Variants in HERC4 observed in about 807,000 individuals in gnomAD.
HERC4 encodes HECT and RLD domain containing E3 ubiquitin protein ligase 4.
In HERC4, 28 loss-of-function variants were observed where a neutral mutation model predicts 124.3. The observed-to-expected ratio is 0.23, with a 90% CI of 0.17 to 0.31. The LOEUF (loss-of-function observed/expected upper bound fraction) is 0.31. Among genes scored for constraint, HERC4 ranks in the 10% least tolerant of loss-of-function variants. The pLI is 1.00. For missense variants in HERC4, 713 were observed against 1,229.3 expected (o/e 0.58, Z 6.28); for synonymous variants, 407 against 421.5 (o/e 0.97, Z 0.42).
At chr10:68,074,844 G>C (rs1466792728) in intron 1 of HERC4, 1 of 152,626 alleles carries the variant, frequency 6.6e-6, no homozygotes, top group Non-Finnish European at 1.5e-5. Flanking sequence ...CAGGAAGCGC[G>C]GAGAAAGCGC....
intron 21 of HERC4, among the ~76,000 whole-genome samples, chr10:67,938,706 G>A (rs191242510): frequency 1.6e-4 from 24 of 152,198 alleles, no homozygotes; most frequent in South Asian, 1.0e-3. Flanking sequence ...AGCACTTCGG[G>A]AGGCCGAGGC....
intron 22 of HERC4, among the ~76,000 whole-genome samples, chr10:67,935,366 CGTT>C (rs1033060891): frequency 6.6e-6 from 1 of 152,084 alleles, no homozygotes; most frequent in Admixed American, 6.6e-5. Flanking sequence ...AGGATGGTCT[CGTT>C]GTCGTGACCT....
rs1375747325 is a variant in HERC4, at chr10:67,927,411, TATATATATATATA to T, written c.2839-2237_2839-2225del. 4.8e-3 allele frequency among the ~76,000 whole-genome samples: 64 copies of T among 13,462 alleles called. 4 individuals are homozygous for T. Among genetic ancestry groups the T allele is most frequent in the East Asian group, 0.011 (10 of 890 alleles). 8.8% of individuals were successfully genotyped at this position (13,462 alleles called of 152,430 possible). A position where few individuals can be genotyped will look rare whatever the true frequency, so the allele number is the denominator to read the frequency against. On this transcript the variant is annotated intron_variant, in intron 23 of 24. Transcript: ENST00000373700. ...ATATATATATATATATATATATATA[TATATATATATATA>T]TATATATTTTTTTTTTTTTTTAGAT...
intron 23 of HERC4, among the ~76,000 whole-genome samples, chr10:67,930,145 C>A (rs959842337): frequency 9.2e-5 from 14 of 152,130 alleles, no homozygotes; most frequent in African/African-American, 2.9e-4. Flanking sequence ...AGTTATTCTG[C>A]TGAATAGGTA....
chr10:68,001,740 A>T (rs1481837051), intron 9 of HERC4, among the ~76,000 whole-genome samples: 1 of 152,300 alleles, frequency 6.6e-6, no homozygotes, highest in African/African-American at 2.4e-5. Context: ...CCCTCTAGGA[A>T]CTAGTAACCA....
chr10:68,019,585 A>G (rs568441059), intron 8 of HERC4, among the ~76,000 whole-genome samples: 1 of 152,276 alleles, frequency 6.6e-6, no homozygotes, highest in Admixed American at 6.5e-5. Context: ...GACAACAATT[A>G]CACTGACAGA....
intron 15 of HERC4, among the ~76,000 whole-genome samples, chr10:67,986,784 G>A (rs1053963792): frequency 6.6e-6 from 1 of 152,110 alleles, no homozygotes; most frequent in Admixed American, 6.5e-5. Context: ...ACAGTGGTAG[G>A]AAGCAACACA....
At chr10:67,957,632 G>A (rs1297173374) in intron 16 of HERC4, among the ~76,000 whole-genome samples, 1 of 152,024 alleles carries the variant, frequency 6.6e-6, no homozygotes, top group Non-Finnish European at 1.5e-5. Flanking sequence ...GTTATGAATT[G>A]CCAGTCACAC....
chr10:68,070,713 T>C (rs1394895528), intron 3 of HERC4: 11 of 152,148 alleles, frequency 7.2e-5, no homozygotes, highest in Admixed American at 3.3e-4. Context: ...TTGAACTTGT[T>C]TCTCTTCCCT....
chr10:68,040,247 A>C (rs777430886), intron 4 of HERC4: 6 of 982,264 alleles, frequency 6.1e-6, no homozygotes, highest in Non-Finnish European at 7.3e-6. Flanking sequence ...ACACACATTA[A>C]ATGCTAATAT....
chr10:68,066,903 C>T (rs554552063), intron 3 of HERC4, among the ~76,000 whole-genome samples: 12 of 152,116 alleles, frequency 7.9e-5, no homozygotes, highest in African/African-American at 2.2e-4. Flanking sequence ...GCCATCAAAT[C>T]GAATGGCAGG....
chr10:68,001,294 C>A (rs1049397760), intron 9 of HERC4, among the ~76,000 whole-genome samples: 7 of 151,752 alleles, frequency 4.6e-5, no homozygotes, highest in Non-Finnish European at 1.0e-4. Context: ...ACTGCTTGAG[C>A]CTGGGAGGCT....
chr10:67,927,430 A>ATATATATATT (rs1564911511), intron 23 of HERC4, among the ~76,000 whole-genome samples: 1 of 37,884 alleles, frequency 2.6e-5, no homozygotes, highest in Non-Finnish European at 7.6e-5. Context: ...ATATATATAT[A>ATATATATATT]TTTTTTTTTT....
At position 67,956,961 on chromosome 10, in the gene HERC4, CA is replaced by C; in HGVS notation, c.1941del (p.Val648LeufsTer46). The C allele has an allele frequency of 6.3e-7, 1 of 1,576,308 alleles. No individual in the cohort carries two copies. The highest frequency in any genetic ancestry group is 8.6e-7 in the Non-Finnish European group (1 of 1,162,222). Reference protein sequence around the residue: ...QQAYGMLADIPVTICTYPFVF... With the variant: ...QQAYGMLADIXVTICTYPFVF... ...ACAAATGGATATGTACAGATTGTAACAGGGATATCTGCCAACTGGAAATAAA... is the reference window on the plus strand; with the variant it reads ...ACAAATGGATATGTACAGATTGTAACGGGATATCTGCCAACTGGAAATAAA... On this transcript the variant is annotated frameshift_variant, in exon 17 of 25. Coordinates refer to ENST00000373700, the MANE Select transcript of HERC4 (RefSeq NM_015601.4). LOFTEE classifies it high-confidence loss of function.
intron 3 of HERC4, among the ~76,000 whole-genome samples, chr10:68,071,223 T>A (rs2041558321): frequency 6.6e-6 from 1 of 152,226 alleles, no homozygotes; most frequent in African/African-American, 2.4e-5. Flanking sequence ...ATCATCACAA[T>A]GTCAACATGA....
At position 68,044,370 on chromosome 10, in the gene HERC4, T is replaced by TTAAGGAC. The variant is rs773647110; in HGVS notation, c.386+33_386+34insGTCCTTA. 4.4e-6 allele frequency: 7 copies of TTAAGGAC among 1,573,660 alleles called. No homozygotes were observed. The East Asian group carries it at 1.4e-4, about 31-fold the overall frequency. ...AGATTAACAAATTTATTTTAAAAGA[T>TTAAGGAC]TGTTAAGGACCTCTTTCTGGTCACC... On this transcript the variant is annotated intron_variant, in intron 4 of 24. Coordinates refer to ENST00000373700, the MANE Select transcript of HERC4 (RefSeq NM_015601.4).
At chr10:68,063,605 C>T (rs1480420942) in intron 3 of HERC4, among the ~76,000 whole-genome samples, 1 of 152,222 alleles carries the variant, frequency 6.6e-6, no homozygotes, top group East Asian at 1.9e-4. Context: ...ATTCAGTTCT[C>T]ACTCCTTAAA....
intron 3 of HERC4, among the ~76,000 whole-genome samples, chr10:68,059,921 A>T (rs2040913293): frequency 8.3e-6 from 1 of 119,820 alleles, no homozygotes; most frequent in African/African-American, 3.3e-5. Flanking sequence ...ATTATATATC[A>T]TAATATTATA....
chr10:67,955,206 C>CCTGTAA, intron 17 of HERC4, 76 bp from the exon 18 acceptor site: 7 of 1,258,530 alleles, frequency 5.6e-6, no homozygotes, highest in Non-Finnish European at 7.7e-6. Flanking sequence ...CTAACCTCTA[C>CCTGTAA]CTATTAGTTA....
Sources: allele counts gnomAD v4.1 joint callset (sites outside exome capture counted in the v4.1 genomes callset), GRCh38; gene constraint gnomAD v4.1.1; transcripts MANE v1.5; gene names NCBI Gene and HGNC (gene_info 2026-07-23, HGNC 2026-07-21).